The following LRRC53 variants were observed in gnomAD, a reference collection of about 807,000 sequenced individuals.
LRRC53 encodes leucine-rich repeat-containing protein 53.
LRRC53 carries 25 observed loss-of-function variants against 13.6 expected under a neutral mutation model. That is an observed-to-expected ratio of 1.83 (90% CI 1.34 to 2.56). The LOEUF (loss-of-function observed/expected upper bound fraction) is 2.56. Ranked by LOEUF, LRRC53 falls within the 30% of genes most tolerant of loss-of-function variation. The probability of loss-of-function intolerance (pLI) is 0.00; values close to 1 mark genes in which losing one functional copy is unlikely to be tolerated. For synonymous variants in LRRC53, 204 were observed against 109.8 expected, an observed-to-expected ratio of 1.86 and a Z score of -5.37; for missense variants, 527 against 275.8, an observed-to-expected ratio of 1.91 and a Z score of -6.45.
chr1:74,503,421 G>C (rs1669734540), intron 1 of LRRC53, among the ~76,000 whole-genome samples: 1 of 152,124 alleles, frequency 6.6e-6, no homozygotes. Context: ...GTGCTTATTG[G>C]AACATTATAT....
upstream of LRRC53, among the ~76,000 whole-genome samples, chr1:74,512,878 C>T (rs561893171): frequency 2.6e-5 from 4 of 152,348 alleles, no homozygotes; most frequent in Admixed American, 2.6e-4. Flanking sequence ...TCTCTGTTAA[C>T]AAGCCTTATG....
the LRRC53 span, among the ~76,000 whole-genome samples, chr1:74,518,361 A>T: frequency 2.6e-5 from 4 of 152,038 alleles, no homozygotes; most frequent in Non-Finnish European, 5.9e-5. Context: ...CACTCCTTTC[A>T]TTGTTTTTAT....
At chr1:74,489,136 G>C in intron 1 of LRRC53, 3 of 1,496,294 alleles carry the variant, frequency 2.0e-6, no homozygotes, top group Non-Finnish European at 2.7e-6. Flanking sequence ...CATCCAAAGA[G>C]AGTCTCCTTC....
intron 1 of LRRC53, among the ~76,000 whole-genome samples, chr1:74,502,108 A>G (rs762424823): frequency 6.6e-6 from 1 of 152,158 alleles, no homozygotes; most frequent in African/African-American, 2.4e-5. Context: ...AATTCATGCT[A>G]TAGGTCAACA....
At chr1:74,533,576 G>C in the LRRC53 span, among the ~76,000 whole-genome samples, 1 of 152,136 alleles carries the variant, frequency 6.6e-6, no homozygotes. Flanking sequence ...ATACCCAAAG[G>C]ACTATAAATC....
rs946084864 is a variant in LRRC53 at position 74,469,441 on chromosome 1, T to G, written c.*437A>C. On this transcript the variant is annotated 3_prime_UTR_variant, in exon 5 of 5. Coordinates refer to ENST00000294635, the MANE Select transcript of LRRC53 (RefSeq NM_001382280.1). ...TAGGAAAACAGATCAAACACAAATA[T>G]GAATATATAATTATCCATGTAGAAA... 5 of 153,120 alleles carry G rather than the reference T, an allele frequency of 3.3e-5. No homozygotes were observed. The South Asian group carries it at 1.0e-3, about 32-fold the overall frequency. The allele number at this position is 153,120 out of a possible 1,614,324, so 9.5% of individuals were successfully genotyped here.
At chr1:74,485,557 G>A (rs1363270123) in intron 1 of LRRC53, among the ~76,000 whole-genome samples, 1 of 152,138 alleles carries the variant, frequency 6.6e-6, no homozygotes, top group Admixed American at 6.6e-5. Flanking sequence ...AGAATACCCT[G>A]TCCTTCAGTG....
At chr1:74,485,862 C>T (rs1668731789) in intron 1 of LRRC53, among the ~76,000 whole-genome samples, 1 of 152,062 alleles carries the variant, frequency 6.6e-6, no homozygotes, top group Non-Finnish European at 1.5e-5. Flanking sequence ...TGTCATACAA[C>T]CACAAAGAAA....
chr1:74,516,265 ATTTG>A (rs1271677030), upstream of LRRC53, among the ~76,000 whole-genome samples: 1 of 152,212 alleles, frequency 6.6e-6, no homozygotes, highest in Non-Finnish European at 1.5e-5. Context: ...GTTGCTATCC[ATTTG>A]TTTGTTCACT....
At chr1:74,489,197 C>G (rs769499374) in intron 1 of LRRC53, 1 of 1,610,284 alleles carries the variant, frequency 6.2e-7, no homozygotes, top group Admixed American at 1.7e-5. Context: ...AGGGAAGACC[C>G]GAATTTTCTG....
chr1:74,496,754 C>T (rs79264521), intron 1 of LRRC53, among the ~76,000 whole-genome samples: 4 of 152,080 alleles, frequency 2.6e-5, no homozygotes, highest in Non-Finnish European at 5.9e-5. Context: ...TGAAGTTCTG[C>T]CTCTTTTAAA....
chr1:74,508,369 A>G (rs886677845), intron 1 of LRRC53, among the ~76,000 whole-genome samples: 8 of 152,242 alleles, frequency 5.3e-5, no homozygotes, highest in African/African-American at 1.9e-4. Flanking sequence ...TAAATGTGTT[A>G]TCTCATTTAA....
intron 1 of LRRC53, among the ~76,000 whole-genome samples, chr1:74,491,188 A>G (rs911509419): frequency 1.3e-5 from 2 of 152,174 alleles, no homozygotes; most frequent in African/African-American, 4.8e-5. Flanking sequence ...TATCACAGAA[A>G]AGAGATAATT....
At position 74,508,340 on chromosome 1, in the gene LRRC53, A is replaced by T. The variant is rs765448140; in HGVS notation, c.-27+4186T>A. Among the ~76,000 whole-genome samples, 4 of 152,244 alleles carry T rather than the reference A, an allele frequency of 2.6e-5. 1 individual carries two copies. The East Asian group carries it at 7.7e-4, about 29-fold the overall frequency. Reference sequence around the variant, plus strand: ...ATACTGAGTTCTTATTTTGTACCAGATAACAGGCTATGGTACTTTAAATGT... The same window carrying T: ...ATACTGAGTTCTTATTTTGTACCAGTTAACAGGCTATGGTACTTTAAATGT... On this transcript the variant is annotated intron_variant, in intron 1 of 4. Coordinates refer to ENST00000294635, the MANE Select transcript of LRRC53 (RefSeq NM_001382280.1).
intron 2 of LRRC53, among the ~76,000 whole-genome samples, chr1:74,481,934 G>A (rs1414344337): frequency 2.6e-5 from 4 of 152,104 alleles, no homozygotes; most frequent in Admixed American, 2.0e-4. Context: ...AGACTGCATC[G>A]CGGAAACAAA....
chr1:74,488,588 C>T (rs1668883914), intron 1 of LRRC53, among the ~76,000 whole-genome samples: 1 of 152,132 alleles, frequency 6.6e-6, no homozygotes, highest in Admixed American at 6.5e-5. Context: ...GCAACTGGAA[C>T]AAAGCTTGAA....
chr1:74,495,917 C>T (rs765392121), intron 1 of LRRC53, among the ~76,000 whole-genome samples: 7 of 152,102 alleles, frequency 4.6e-5, no homozygotes, highest in African/African-American at 7.2e-5. Flanking sequence ...GTGAGAACAG[C>T]GATCAATAGG....
At chr1:74,518,021 G>A in the LRRC53 span, among the ~76,000 whole-genome samples, 2 of 152,156 alleles carry the variant, frequency 1.3e-5, no homozygotes, top group Non-Finnish European at 2.9e-5. Flanking sequence ...CAAAGTTTTT[G>A]AGCAAGCGAT....
the LRRC53 span, among the ~76,000 whole-genome samples, chr1:74,530,263 G>A: frequency 1.8e-3 from 275 of 152,336 alleles, no homozygotes; most frequent in African/African-American, 6.3e-3. Context: ...AAGAGAGATA[G>A]GGATATAGCC....
Sources: gnomAD v4.1 joint callset for allele counts (sites outside exome capture counted in the v4.1 genomes callset) on GRCh38, gnomAD v4.1.1 for gene constraint, MANE v1.5 for transcripts, NCBI Gene and HGNC (gene_info 2026-07-23, HGNC 2026-07-21) for gene names.